The following SCIN variants were observed in gnomAD, a reference collection of about 807,000 sequenced individuals.
SCIN encodes scinderin.
A neutral mutation model predicts 91.8 loss-of-function variants in SCIN; 91 were observed. That is an observed-to-expected ratio of 0.99 (90% CI 0.84 to 1.18). SCIN has a LOEUF of 1.18. SCIN is among the 50% of genes most tolerant of loss of function. The pLI, the probability that SCIN is intolerant of heterozygous loss-of-function variation, is 0.00. For synonymous variants in SCIN, 367 were observed against 312.6 expected (o/e 1.17, Z -1.84); for missense variants, 1,087 against 863.9 (o/e 1.26, Z -3.24).
intron 3 of SCIN, among the ~76,000 whole-genome samples, chr7:12,587,262 C>G (rs542613191): frequency 6.6e-6 from 1 of 152,258 alleles, no homozygotes; most frequent in African/African-American, 2.4e-5. Flanking sequence ...TTTTGTTAGC[C>G]ATTAAAGCAG....
At chr7:12,637,078 A>C (rs1023017688) in intron 10 of SCIN, among the ~76,000 whole-genome samples, 2 of 152,114 alleles carry the variant, frequency 1.3e-5, no homozygotes, top group African/African-American at 4.8e-5. Flanking sequence ...GTTATTCCAG[A>C]TTTTAGCCCA....
intron 1 of SCIN, among the ~76,000 whole-genome samples, chr7:12,577,007 G>A (rs1379903614): frequency 6.6e-6 from 1 of 152,120 alleles, no homozygotes; most frequent in East Asian, 1.9e-4. Flanking sequence ...TGTCCGTACT[G>A]TATCCTTTAT....
intron 4 of SCIN, among the ~76,000 whole-genome samples, chr7:12,621,637 GTTTTTTTTT>G (rs60697843): frequency 1.9e-5 from 2 of 106,396 alleles, no homozygotes; most frequent in Non-Finnish European, 3.8e-5. Context: ...AAGTGTTTTA[GTTTTTTTTT>G]TTTTTTTTTT....
intron 4 of SCIN, among the ~76,000 whole-genome samples, chr7:12,609,143 C>A (rs1783140530): frequency 6.6e-6 from 1 of 152,118 alleles, no homozygotes; most frequent in African/African-American, 2.4e-5. Context: ...TAAAAGGGGG[C>A]ACTGAGGAGA....
chr7:12,604,751 G>A, intron 4 of SCIN, 88 bp downstream of exon 4: 1 of 1,152,852 alleles, frequency 8.7e-7, no homozygotes, highest in Middle Eastern at 2.0e-4. Context: ...AGGCAGCAGG[G>A]TGGGGAAGAA....
At position 12,570,888 on chromosome 7, in the gene SCIN, G is replaced by T; in HGVS notation, c.102G>T (p.Gln34His). 1 of 1,551,604 alleles carries T rather than the reference G, an allele frequency of 6.4e-7. No individual in the cohort carries two copies. Among genetic ancestry groups the T allele is most frequent in the Non-Finnish European group, 8.7e-7 (1 of 1,146,964 alleles). The change falls in exon 1 of 16, where the codon CAG (glutamine) becomes CAT (histidine). Residue 34 changes from glutamine (Q) to histidine (H), a missense_variant. By Grantham distance (24) the Gln-to-His change is conservative (BLOSUM62 0). Transcript: ENST00000297029. ...AGCTGGAGCTGGTGCCCGTGCCCCA[G>T]AGCGCTCACGGCGACTTCTACGTCG... ...IEKLELVPVP[Q>H]SAHGDFYVGD... is the part of the protein sequence containing the mutation.
chr7:12,622,227 A>T (rs186861938), intron 4 of SCIN, among the ~76,000 whole-genome samples: 66 of 152,214 alleles, frequency 4.3e-4, no homozygotes, highest in Admixed American at 1.2e-3. Context: ...TCATTTATTC[A>T]TTATTTTGAC....
Position 12,581,912 on chromosome 7 carries a change from T to A in SCIN, c.516+691T>A, listed in dbSNP as rs189509783. Among the ~76,000 whole-genome samples the A allele has an allele frequency of 5.7e-4, 87 of 152,260 alleles. No homozygotes were observed. The East Asian group carries it at 0.01, about 18-fold the overall frequency. Reference sequence around the variant, plus strand: ...TTAAAACTTTGTGAAGTTTTTATAATAGAAATAAAGAGCATTTCCCTCCAC... The same window carrying A: ...TTAAAACTTTGTGAAGTTTTTATAAAAGAAATAAAGAGCATTTCCCTCCAC... On this transcript the variant is annotated intron_variant, in intron 3 of 15. Transcript: ENST00000297029.
rs1295320149 is a variant in SCIN, at chr7:12,653,029, C to T, written c.*314C>T. ...CTGAGACAGGAAAATTGCTTGAACC[C>T]AGGAGGCTGAGGTTGCAGTGAGCCA... On this transcript the variant is annotated 3_prime_UTR_variant, in exon 16 of 16. Coordinates refer to ENST00000297029, the MANE Select transcript of SCIN (RefSeq NM_001112706.3). This position sits in a 1 kb window ranked among gnomAD's most constrained non-coding sequence, Gnocchi z 4.1. The T allele has an allele frequency of 1.1e-5, 2 of 182,068 alleles. No homozygotes were observed. The highest frequency in any genetic ancestry group is 4.9e-5 in the African/African-American group (2 of 41,202). 11.3% of individuals were successfully genotyped at this position (182,068 alleles called of 1,614,324 possible). A position where few individuals can be genotyped will look rare whatever the true frequency, so the allele number is the denominator to read the frequency against.
chr7:12,577,696 T>A (rs1376671356), intron 1 of SCIN: 2 of 414,724 alleles, frequency 4.8e-6, no homozygotes, highest in African/African-American at 4.2e-5. Flanking sequence ...TACAAAACAC[T>A]TTTTTGAGAA....
chr7:12,594,205 C>T (rs1044213489), intron 3 of SCIN, among the ~76,000 whole-genome samples: 10 of 151,568 alleles, frequency 6.6e-5, no homozygotes, highest in East Asian at 3.9e-4. Flanking sequence ...GGGGTAGAGC[C>T]GGAGCAGGGA....
At chr7:12,620,901 C>A (rs702477) in intron 4 of SCIN, among the ~76,000 whole-genome samples, 81 of 151,992 alleles carry the variant, frequency 5.3e-4, no homozygotes, top group Middle Eastern at 3.4e-3. Context: ...GAACAACTGA[C>A]GAAATTTTTA....
At chr7:12,596,339 C>T (rs1056392962) in intron 3 of SCIN, 4 of 456,062 alleles carry the variant, frequency 8.8e-6, no homozygotes, top group African/African-American at 8.0e-5. Context: ...AGTTGCTTCT[C>T]CCTGACGTCT....
rs923711708 is a variant in SCIN, at chr7:12,651,697, C to G, written c.1960-144C>G. The G allele has an allele frequency of 3.3e-5, 19 of 578,644 alleles. No individual in the cohort carries two copies. Among genetic ancestry groups the G allele is most frequent in the Non-Finnish European group, 5.9e-5 (19 of 324,454 alleles). The allele number at this position is 578,644 out of a possible 1,614,324, so 35.8% of individuals were successfully genotyped here. On this transcript the variant is annotated intron_variant, in intron 14 of 15. Transcript: ENST00000297029. This position sits in a 1 kb window ranked among gnomAD's most constrained non-coding sequence, Gnocchi z 5.9. ...ACACTGGGAAAGTGATGGTACCTCTCTGGGCCACCACCTCCACGTCCCTAA... is the reference window on the plus strand; with the variant it reads ...ACACTGGGAAAGTGATGGTACCTCTGTGGGCCACCACCTCCACGTCCCTAA...
intron 4 of SCIN, among the ~76,000 whole-genome samples, chr7:12,621,126 T>C (rs1029527066): frequency 6.6e-6 from 1 of 152,116 alleles, no homozygotes; most frequent in African/African-American, 2.4e-5. Context: ...AGTGAACATA[T>C]TTAGTTATGT....
intron 4 of SCIN, among the ~76,000 whole-genome samples, chr7:12,617,528 A>G (rs1217418600): frequency 6.6e-6 from 1 of 152,190 alleles, no homozygotes; most frequent in Non-Finnish European, 1.5e-5. Flanking sequence ...GGTGATGTCT[A>G]GAAAAGGCAA....
chr7:12,576,290 A>C (rs1190173762), intron 1 of SCIN, among the ~76,000 whole-genome samples: 1 of 152,096 alleles, frequency 6.6e-6, no homozygotes, highest in East Asian at 1.9e-4. Flanking sequence ...TGTGTCAAAT[A>C]CTTAACTTTG....
At position 12,657,640 on chromosome 7, in the gene SCIN, G is replaced by T. The variant is rs1784195702; in HGVS notation, c.*4925G>T. 9.7e-6 allele frequency: 1 copy of T among 103,470 alleles called. No homozygotes were observed. The highest frequency in any genetic ancestry group is 3.5e-5 in the African/African-American group (1 of 28,380). 6.4% of individuals were successfully genotyped at this position (103,470 alleles called of 1,614,324 possible). Reference sequence around the variant, plus strand: ...AAAGATATTGTTTAGCAATTTCCTTGTATAATGCAATCAGTGGAAGACAAA... The same window carrying T: ...AAAGATATTGTTTAGCAATTTCCTTTTATAATGCAATCAGTGGAAGACAAA... On this transcript the variant is annotated 3_prime_UTR_variant, in exon 16 of 16. Coordinates refer to ENST00000297029, the MANE Select transcript of SCIN (RefSeq NM_001112706.3).
intron 5 of SCIN, 146 bp from the exon 6 acceptor site, chr7:12,624,864 C>T: frequency 6.4e-6 from 4 of 625,786 alleles, no homozygotes; most frequent in South Asian, 4.0e-5. Context: ...ATTTATACAC[C>T]ATAAAATTCT....
Sources: allele counts gnomAD v4.1 joint callset (sites outside exome capture counted in the v4.1 genomes callset), GRCh38; gene constraint gnomAD v4.1.1; non-coding constraint Gnocchi (gnomAD v3.1); transcripts MANE v1.5; gene names NCBI Gene and HGNC (gene_info 2026-07-23, HGNC 2026-07-21).